The following RNF111 variants were observed in gnomAD, a reference collection of about 807,000 sequenced individuals.
The protein encoded by RNF111 is ring finger protein 111, also known as E3 ubiquitin-protein ligase Arkadia.
RNF111 carries 17 observed loss-of-function variants against 95.1 expected under a neutral mutation model. The ratio of observed to expected loss-of-function variants is 0.18; its 90% CI spans 0.12 to 0.27. The LOEUF (loss-of-function observed/expected upper bound fraction) is 0.27, where lower values mean the gene tolerates loss of function less well. RNF111 is among the 10% of genes least tolerant of loss of function. RNF111 has a pLI of 1.00. For synonymous variants in RNF111, 440 were observed against 414.8 expected (o/e 1.06, Z -0.74); for missense variants, 1,189 against 1,210.4 (o/e 0.98, Z 0.26).
intron 9 of RNF111, among the ~76,000 whole-genome samples, chr15:59,085,063 A>G (rs1383236782): frequency 6.6e-6 from 1 of 152,184 alleles, no homozygotes; most frequent in Non-Finnish European, 1.5e-5. Context: ...GCAGATTTTC[A>G]TTAGATTAAT....
In RNF111 at chr15:59,097,419, T is replaced by G. The variant is rs536402914; in HGVS notation, c.*2519T>G. The G allele has an allele frequency of 1.3e-5, 2 of 152,342 alleles. No individual in the cohort carries two copies. The highest frequency in any genetic ancestry group is 3.9e-4 in the East Asian group (2 of 5,194). The allele number at this position is 152,342 out of a possible 1,614,324, so 9.4% of individuals were successfully genotyped here. A position where few individuals can be genotyped will look rare whatever the true frequency, so the allele number is the denominator to read the frequency against. On this transcript the variant is annotated 3_prime_UTR_variant, in exon 14 of 14. Coordinates refer to ENST00000348370, the MANE Select transcript of RNF111 (RefSeq NM_017610.8). ...GTGATAAACTGATCGTTTGAAACGT[T>G]TTTCTTACTCTGGTGACTTTCTTTT...
intron 2 of RNF111, among the ~76,000 whole-genome samples, chr15:59,051,505 G>T (rs1197207998): frequency 6.6e-6 from 1 of 150,574 alleles, no homozygotes; most frequent in Non-Finnish European, 1.5e-5. Context: ...GCTGGGTGCA[G>T]TGGCTCACGC....
At chr15:59,008,318 A>C (rs2039634201) in intron 1 of RNF111, among the ~76,000 whole-genome samples, 1 of 152,114 alleles carries the variant, frequency 6.6e-6, no homozygotes, top group African/African-American at 2.4e-5. Context: ...CCTGAGCTCA[A>C]GCGATCCTCC....
chr15:59,049,391 A>G (rs1000094341), intron 2 of RNF111: 1 of 76,188 alleles, frequency 1.3e-5, no homozygotes, highest in Non-Finnish European at 2.6e-5. Context: ...TTTTTTGGCC[A>G]CCTAGTATGC....
intron 1 of RNF111, among the ~76,000 whole-genome samples, chr15:59,025,026 T>G (rs957291770): frequency 6.6e-6 from 1 of 152,246 alleles, no homozygotes; most frequent in South Asian, 2.1e-4. Flanking sequence ...GAATACTATT[T>G]CATTGTACGT....
intron 2 of RNF111, among the ~76,000 whole-genome samples, chr15:59,046,730 T>C (rs1596190463): frequency 6.6e-6 from 1 of 152,162 alleles, no homozygotes. Context: ...ATTTGAACAT[T>C]AAAATTAGAG....
intron 8 of RNF111, among the ~76,000 whole-genome samples, chr15:59,083,370 C>A (rs2078803955): frequency 6.6e-6 from 1 of 151,700 alleles, no homozygotes; most frequent in Admixed American, 6.6e-5. Flanking sequence ...ACATCCTGGC[C>A]CATCTCAAAA....
chr15:59,083,143 TA>T (rs35563547), intron 8 of RNF111, among the ~76,000 whole-genome samples: 66 of 147,504 alleles, frequency 4.5e-4, no homozygotes, highest in Admixed American at 4.7e-4. Context: ...TTCTGCCGCT[TA>T]AAAAAAAAAA....
intron 6 of RNF111, among the ~76,000 whole-genome samples, chr15:59,074,526 A>G (rs940511911): frequency 3.9e-5 from 6 of 152,174 alleles, no homozygotes; most frequent in South Asian, 2.1e-4. Flanking sequence ...AACCTCTGCT[A>G]TCTTCAGACT....
At chr15:58,993,705 C>T (rs1223782750) in intron 1 of RNF111, among the ~76,000 whole-genome samples, 3 of 152,168 alleles carry the variant, frequency 2.0e-5, no homozygotes, top group African/African-American at 7.2e-5. Context: ...AAACAAAGGG[C>T]AGGCTCTTAA....
At chr15:59,067,119 C>G (rs759988227) in intron 6 of RNF111, 36 bp downstream of exon 6, 9 of 1,525,962 alleles carry the variant, frequency 5.9e-6, no homozygotes, top group African/African-American at 2.7e-5. Flanking sequence ...CTTTCCTGCC[C>G]CTCTTGTCTC....
At chr15:59,065,739 G>T (rs912793788) in intron 5 of RNF111, among the ~76,000 whole-genome samples, 1 of 152,174 alleles carries the variant, frequency 6.6e-6, no homozygotes, top group African/African-American at 2.4e-5. Flanking sequence ...AGACATGGTG[G>T]CTCACGCCTG....
At chr15:59,073,862 G>A (rs1074701) in intron 6 of RNF111, among the ~76,000 whole-genome samples, 58,580 of 152,004 alleles carry the variant, frequency 0.39, 12,937 homozygotes, top group African/African-American at 0.6. Flanking sequence ...TTCTTTAATA[G>A]TAAGACTTGA....
At chr15:59,079,183 C>G (rs149971651) in intron 7 of RNF111, among the ~76,000 whole-genome samples, 226 of 152,260 alleles carry the variant, frequency 1.5e-3, no homozygotes, top group African/African-American at 5.3e-3. Context: ...TGGACTCATT[C>G]TGAAACAAAA....
chr15:59,023,615 G>A (rs1227126158), intron 1 of RNF111, among the ~76,000 whole-genome samples: 2 of 152,168 alleles, frequency 1.3e-5, no homozygotes, highest in Non-Finnish European at 2.9e-5. Flanking sequence ...TCATTTGTCA[G>A]TGTCATCTGC....
At chr15:59,068,473 G>A (rs2042764724) in intron 6 of RNF111, among the ~76,000 whole-genome samples, 1 of 151,028 alleles carries the variant, frequency 6.6e-6, no homozygotes, top group South Asian at 2.1e-4. Context: ...GGGTGTGATG[G>A]TGTGTGCCTG....
intron 1 of RNF111, among the ~76,000 whole-genome samples, chr15:58,996,216 A>G (rs2039065910): frequency 6.6e-6 from 1 of 152,140 alleles, no homozygotes; most frequent in African/African-American, 2.4e-5. Context: ...ACTATTTTTA[A>G]CTAAGTCATC....
At chr15:59,032,996 G>A (rs1018883323) in intron 2 of RNF111, among the ~76,000 whole-genome samples, 16 of 152,144 alleles carry the variant, frequency 1.1e-4, no homozygotes, top group South Asian at 2.1e-4. Flanking sequence ...ACCATCCTAA[G>A]ATAATGCATC....
chr15:59,004,227 C>T (rs562868610), intron 1 of RNF111: 11 of 625,590 alleles, frequency 1.8e-5, no homozygotes, highest in African/African-American at 1.6e-4. Context: ...ATTTAAAATA[C>T]TCCTTCTTTT....
Sources: allele counts gnomAD v4.1 joint callset (sites outside exome capture counted in the v4.1 genomes callset), GRCh38; gene constraint gnomAD v4.1.1; transcripts MANE v1.5; gene names NCBI Gene and HGNC (gene_info 2026-07-23, HGNC 2026-07-21).